The following ATP2C1 variants were observed in gnomAD, a reference collection of about 807,000 sequenced individuals.
ATP2C1 encodes the protein calcium-transporting ATPase type 2C member 1.
Under a neutral mutation model 120.5 loss-of-function variants are expected in ATP2C1, and 31 were observed. The observed-to-expected ratio is 0.26, with a 90% CI of 0.19 to 0.35. ATP2C1 has a LOEUF of 0.35. Ranked by LOEUF, ATP2C1 falls within the 10% of genes least tolerant of loss-of-function variation. The pLI, the probability that ATP2C1 is intolerant of heterozygous loss-of-function variation, is 1.00. For synonymous variants in ATP2C1, 351 were observed against 358.7 expected (o/e 0.98, Z 0.24); for missense variants, 731 against 1,107.5 (o/e 0.66, Z 4.83).
At chr3:130,981,595 A>G (rs531221251) in intron 20 of ATP2C1, among the ~76,000 whole-genome samples, 1 of 152,254 alleles carries the variant, frequency 6.6e-6, no homozygotes, top group South Asian at 2.1e-4. Flanking sequence ...TTGCTGGGTC[A>G]TACACTTAAT....
In ATP2C1 at chr3:130,983,936, G is replaced by T. The variant is rs549698329; in HGVS notation, c.1839+3257G>T. Among the ~76,000 whole-genome samples, 3 of 152,234 alleles carry T rather than the reference G, an allele frequency of 2.0e-5. No individual in the cohort carries two copies. The South Asian group carries it at 6.2e-4, about 32-fold the overall frequency. The stretch of plus-strand genomic sequence containing the variant: ...TTGAAGGGCATCTTAGTTGCTTCCA[G>T]GTTTGGCAATTATATATAAAGCTGC... On this transcript the variant is annotated intron_variant, in intron 20 of 27. Transcript: ENST00000510168.
At chr3:130,937,060 G>A (rs930022610) in intron 5 of ATP2C1, among the ~76,000 whole-genome samples, 2 of 152,094 alleles carry the variant, frequency 1.3e-5, no homozygotes, top group African/African-American at 4.8e-5. Context: ...ATTTGTGTTA[G>A]CATGTAATGA....
chr3:130,959,254 A>G (rs2060714755), intron 11 of ATP2C1, 21 bp from the exon 12 acceptor site: 4 of 1,580,982 alleles, frequency 2.5e-6, no homozygotes, highest in Admixed American at 1.7e-5. Flanking sequence ...AGGGAAAAAT[A>G]ACTATTTAAT....
At chr3:130,976,903 G>A (rs1233403536) in intron 18 of ATP2C1, among the ~76,000 whole-genome samples, 1 of 152,168 alleles carries the variant, frequency 6.6e-6, no homozygotes, top group Non-Finnish European at 1.5e-5. Flanking sequence ...ATTGAGCACA[G>A]GGGGTGCCCT....
chr3:131,014,948 C>G (rs902741102), intron 26 of ATP2C1, among the ~76,000 whole-genome samples: 5 of 152,198 alleles, frequency 3.3e-5, no homozygotes, highest in Non-Finnish European at 4.4e-5. Flanking sequence ...GATTCAAGAA[C>G]AATCCTGCTG....
chr3:130,896,697 C>G (rs1363989431), intron 2 of ATP2C1, among the ~76,000 whole-genome samples: 1 of 152,184 alleles, frequency 6.6e-6, no homozygotes, highest in Non-Finnish European at 1.5e-5. Context: ...TTGTCTTGAA[C>G]CACTTAAAGC....
At chr3:130,884,930 C>CTTTTTTTTTTT (rs35931105) in intron 1 of ATP2C1, among the ~76,000 whole-genome samples, 34 of 120,822 alleles carry the variant, frequency 2.8e-4, no homozygotes, top group South Asian at 8.2e-4. Flanking sequence ...TCTTTTCTTT[C>CTTTTTTTTTTT]TTTTTTTTTT....
At chr3:130,867,622 C>G (rs1284187772) in intron 1 of ATP2C1, among the ~76,000 whole-genome samples, 1 of 151,548 alleles carries the variant, frequency 6.6e-6, no homozygotes, top group African/African-American at 2.4e-5. Flanking sequence ...AGTGCAGTGG[C>G]GTGATCTTGG....
intron 8 of ATP2C1, among the ~76,000 whole-genome samples, chr3:130,948,660 T>G (rs1473087398): frequency 6.6e-6 from 1 of 152,166 alleles, no homozygotes; most frequent in East Asian, 1.9e-4. Flanking sequence ...TCTGAGATTG[T>G]ACTGGCATAC....
chr3:130,975,633 G>C (rs753007794), intron 18 of ATP2C1, 145 bp downstream of exon 18: 1 of 976,008 alleles, frequency 1.0e-6, no homozygotes, highest in South Asian at 1.5e-5. Flanking sequence ...TTAAGTTTTA[G>C]TTGGTTAATT....
chr3:130,862,278 C>T lies in ATP2C1; in HGVS notation c.108+11350C>T, dbSNP rs1023172249. ...GATTATAGGCATGAGCCACTGTGCC[C>T]GGCCTTTATTTTTATTTATTATACT... On this transcript the variant is annotated intron_variant, in intron 1 of 26. Transcript: ENST00000504381. Among the ~76,000 whole-genome samples the T allele has an allele frequency of 5.5e-4, 82 of 150,222 alleles. 1 individual carries two copies. The highest frequency in any genetic ancestry group is 3.4e-3 in the Admixed American group (52 of 15,140).
At chr3:130,978,321 G>A (rs1311802983) in intron 18 of ATP2C1, among the ~76,000 whole-genome samples, 2 of 151,942 alleles carry the variant, frequency 1.3e-5, no homozygotes, top group Admixed American at 6.6e-5. Context: ...TCTGCTTGAC[G>A]AAGAATGGAT....
intron 9 of ATP2C1, among the ~76,000 whole-genome samples, chr3:130,954,766 C>T (rs923162738): frequency 2.6e-5 from 4 of 152,078 alleles, no homozygotes; most frequent in African/African-American, 4.8e-5. Flanking sequence ...GCATTATAGG[C>T]GTGAGCCACA....
chr3:131,014,433 T>C, intron 26 of ATP2C1: 1 of 1,511,126 alleles, frequency 6.6e-7, no homozygotes, highest in Middle Eastern at 1.8e-4. Flanking sequence ...AGTAATTCAG[T>C]GCAACAGGAT....
intron 20 of ATP2C1, among the ~76,000 whole-genome samples, chr3:130,989,478 T>C (rs2062200597): frequency 7.0e-6 from 1 of 143,858 alleles, no homozygotes; most frequent in Non-Finnish European, 1.5e-5. Flanking sequence ...GGCAGGAGAA[T>C]CGCTTGAACC....
intron 20 of ATP2C1, among the ~76,000 whole-genome samples, chr3:130,986,870 T>A (rs565471212): frequency 1.9e-5 from 1 of 52,298 alleles, no homozygotes; most frequent in South Asian, 5.3e-4. Context: ...TTTGATTAGT[T>A]TAGTTTAGTT....
intron 26 of ATP2C1, 66 bp from the exon 27 acceptor site, chr3:130,999,452 G>T: frequency 6.6e-7 from 1 of 1,525,068 alleles, no homozygotes; most frequent in Non-Finnish European, 9.1e-7. Flanking sequence ...AATTAGAAGT[G>T]AATATAATAA....
At chr3:130,862,030 G>A (rs1220207673) in intron 1 of ATP2C1, among the ~76,000 whole-genome samples, 1 of 152,082 alleles carries the variant, frequency 6.6e-6, no homozygotes, top group Non-Finnish European at 1.5e-5. Flanking sequence ...CTGAAGTGCA[G>A]TGGCGCCATC....
chr3:130,921,612 G>T (rs1401324016), intron 2 of ATP2C1, among the ~76,000 whole-genome samples: 1 of 151,932 alleles, frequency 6.6e-6, no homozygotes, highest in African/African-American at 2.4e-5. Flanking sequence ...TCTTTATTAT[G>T]TTACTTTCTT....
Sources: gnomAD v4.1 joint callset for allele counts (sites outside exome capture counted in the v4.1 genomes callset) on GRCh38, gnomAD v4.1.1 for gene constraint, MANE v1.5 for transcripts, NCBI Gene and HGNC (gene_info 2026-07-23, HGNC 2026-07-21) for gene names.